The following CBLB variants were observed in gnomAD, a reference collection of about 807,000 sequenced individuals.
CBLB encodes the protein E3 ubiquitin-protein ligase CBL-B.
In CBLB, 31 loss-of-function variants were observed where a neutral mutation model predicts 104.9. The ratio of observed to expected loss-of-function variants is 0.30; its 90% CI spans 0.22 to 0.40. CBLB has a LOEUF of 0.40. Among genes scored for constraint, CBLB ranks in the 10% least tolerant of loss-of-function variants. The pLI, the probability that CBLB is intolerant of heterozygous loss-of-function variation, is 1.00. For synonymous variants in CBLB, 440 were observed against 422.6 expected (o/e 1.04, Z -0.51); for missense variants, 1,062 against 1,214.6 (o/e 0.87, Z 1.87).
At chr3:105,850,331 C>T (rs771666608) in intron 3 of CBLB, among the ~76,000 whole-genome samples, 13 of 152,112 alleles carry the variant, frequency 8.5e-5, no homozygotes, top group Non-Finnish European at 1.8e-4. Context: ...AGTTCACATA[C>T]CTCCATAACT....
chr3:105,834,862 T>A (rs2153084591), intron 3 of CBLB, among the ~76,000 whole-genome samples: 1 of 152,292 alleles, frequency 6.6e-6, no homozygotes, highest in Middle Eastern at 3.4e-3. Flanking sequence ...TACCCTATAT[T>A]CTTCAGAAAT....
chr3:105,728,267 T>C (rs2073918850), intron 9 of CBLB, among the ~76,000 whole-genome samples: 1 of 152,152 alleles, frequency 6.6e-6, no homozygotes. Flanking sequence ...CAGCAAAGTC[T>C]CAGGATATAA....
chr3:105,668,584 T>C (rs2064729488), intron 18 of CBLB, among the ~76,000 whole-genome samples: 1 of 152,218 alleles, frequency 6.6e-6, no homozygotes, highest in African/African-American at 2.4e-5. Flanking sequence ...TTCTTGACTT[T>C]CATGTTTTGT....
Position 105,824,979 on chromosome 3 carries a change from C to T in CBLB, c.419+28435G>A, listed in dbSNP as rs114739631. Among the ~76,000 whole-genome samples, 1,209 of 152,254 alleles carry T rather than the reference C, an allele frequency of 7.9e-3. 19 individuals carry two copies. The highest frequency in any genetic ancestry group is 0.027 in the African/African-American group (1,131 of 41,540). On this transcript the variant is annotated intron_variant, in intron 3 of 18. Transcript: ENST00000394030. Reference sequence around the variant, plus strand: ...AGTACCTAGAGCGTTACTATAAAGGCATCTCTCCTTTTCTCTCCTCCTATC... The same window carrying T: ...AGTACCTAGAGCGTTACTATAAAGGTATCTCTCCTTTTCTCTCCTCCTATC...
intron 3 of CBLB, among the ~76,000 whole-genome samples, chr3:105,834,587 C>T (rs2088137749): frequency 2.6e-5 from 4 of 152,050 alleles, no homozygotes; most frequent in Admixed American, 2.0e-4. Context: ...ACCAGGGAGG[C>T]GGAGCTTGCA....
In CBLB at chr3:105,657,194, G is replaced by A. The variant is rs1485449884; in HGVS notation, c.*1776C>T. On this transcript the variant is annotated 3_prime_UTR_variant, in exon 19 of 19. Coordinates refer to ENST00000394030, the MANE Select transcript of CBLB (RefSeq NM_170662.5). ...AGGAATGTATTAACTCCTCTCCCAG[G>A]GTCAACTTAGTCTACGTGTCTTTTG... 1 of 222,586 alleles carries A rather than the reference G, an allele frequency of 4.5e-6. No homozygotes were observed. The highest frequency in any genetic ancestry group is 9.0e-6 in the Non-Finnish European group (1 of 111,424). The allele number at this position is 222,586 out of a possible 1,614,324, so 13.8% of individuals were successfully genotyped here.
At chr3:105,692,629 T>C (rs2067853527) in intron 13 of CBLB, among the ~76,000 whole-genome samples, 1 of 152,024 alleles carries the variant, frequency 6.6e-6, no homozygotes, top group Admixed American at 6.6e-5. Context: ...TTGGGTAAAA[T>C]TCTGTAGGAT....
chr3:105,851,438 A>G (rs544151292), intron 3 of CBLB, among the ~76,000 whole-genome samples: 32 of 152,336 alleles, frequency 2.1e-4, no homozygotes, highest in South Asian at 2.1e-4. Flanking sequence ...ACAATTCTAT[A>G]TAACACTGTA....
At chr3:105,867,939 A>G (rs2092527604) in intron 1 of CBLB, among the ~76,000 whole-genome samples, 1 of 152,132 alleles carries the variant, frequency 6.6e-6, no homozygotes, top group East Asian at 1.9e-4. Context: ...ATAAAAACAG[A>G]ATGTTCTTCC....
rs140766121 is a variant in CBLB at position 105,817,555 on chromosome 3, T to G, written c.419+35859A>C. On this transcript the variant is annotated intron_variant, in intron 3 of 18. Transcript: ENST00000394030. ...CAAGACAGACGATGTCACTGAAAAC[T>G]AGAGTAGTGAATATTCTAAAAAACT... Among the ~76,000 whole-genome samples, 337 of 152,234 alleles carry G rather than the reference T, an allele frequency of 2.2e-3. 2 individuals carry two copies. The highest frequency in any genetic ancestry group is 7.9e-3 in the African/African-American group (330 of 41,566).
In CBLB at chr3:105,658,885, C is replaced by T. The variant is rs1484776678; in HGVS notation, c.*85G>A. 8 of 1,470,902 alleles carry T rather than the reference C, an allele frequency of 5.4e-6. No homozygotes were observed. The African/African-American group carries it at 9.8e-5, about 18-fold the overall frequency. The allele number at this position is 1,470,902 out of a possible 1,614,324, so 91.1% of individuals were successfully genotyped here. A position where few individuals can be genotyped will look rare whatever the true frequency, so the allele number is the denominator to read the frequency against. ...CTACACGAGGAGGAGACACTTCTCT[C>T]TTGAATTCCATCTCAGTTCTCTTTA... On this transcript the variant is annotated 3_prime_UTR_variant, in exon 19 of 19. Coordinates refer to ENST00000394030, the MANE Select transcript of CBLB (RefSeq NM_170662.5).
chr3:105,867,244 G>A (rs2092476475), intron 2 of CBLB, among the ~76,000 whole-genome samples, 166 bp downstream of exon 2: 1 of 152,176 alleles, frequency 6.6e-6, no homozygotes, highest in Non-Finnish European at 1.5e-5. Context: ...AAAAGTCTTT[G>A]AATCCAACTT....
chr3:105,660,585 G>A (rs1392189374), intron 18 of CBLB, among the ~76,000 whole-genome samples: 1 of 152,060 alleles, frequency 6.6e-6, no homozygotes, highest in Admixed American at 6.6e-5. Flanking sequence ...CTTTCTCTCA[G>A]ACCACTGACA....
intron 3 of CBLB, among the ~76,000 whole-genome samples, chr3:105,785,536 T>C (rs772769909): frequency 6.6e-6 from 1 of 152,226 alleles, no homozygotes; most frequent in Non-Finnish European, 1.5e-5. Context: ...ATATTTGTCA[T>C]ACTTTCTGAG....
At chr3:105,857,872 T>C (rs2091763383) in intron 2 of CBLB, among the ~76,000 whole-genome samples, 1 of 152,152 alleles carries the variant, frequency 6.6e-6, no homozygotes. Context: ...AGTGCTATGA[T>C]GGAGGCAAGT....
intron 3 of CBLB, among the ~76,000 whole-genome samples, chr3:105,803,674 G>A (rs1419262783): frequency 3.9e-5 from 6 of 152,144 alleles, no homozygotes; most frequent in Non-Finnish European, 8.8e-5. Flanking sequence ...TAAGGAGACA[G>A]TCCATTCTTA....
intron 4 of CBLB, among the ~76,000 whole-genome samples, chr3:105,754,527 G>GAGAGAGAGAGAGAGAC (rs2076890736): frequency 7.3e-4 from 17 of 23,420 alleles, no homozygotes; most frequent in Admixed American, 2.0e-3. Context: ...GAGAGACAGA[G>GAGAGAGAGAGAGAGAC]AGAGAGAGAG....
Position 105,655,984 on chromosome 3 carries a change from T to C in CBLB, c.*2986A>G, listed in dbSNP as rs898065959. 2 of 228,354 alleles carry C rather than the reference T, an allele frequency of 8.8e-6. No individual in the cohort carries two copies. 14.1% of individuals were successfully genotyped at this position (228,354 alleles called of 1,614,324 possible). On this transcript the variant is annotated 3_prime_UTR_variant, in exon 19 of 19. Coordinates refer to ENST00000394030, the MANE Select transcript of CBLB (RefSeq NM_170662.5). ...TTTTAAGTTGCAGTGAGGGTTCTATTATGAAGACTATTTGCAATGTGGGCA... is the reference window on the plus strand; with the variant it reads ...TTTTAAGTTGCAGTGAGGGTTCTATCATGAAGACTATTTGCAATGTGGGCA...
chr3:105,737,293 T>A, intron 7 of CBLB, 35 bp from the exon 8 acceptor site: 4 of 1,066,850 alleles, frequency 3.7e-6, no homozygotes, highest in Non-Finnish European at 5.7e-6. Context: ...ACCTTAAATA[T>A]ACAAGTTTTA....
Sources: allele counts gnomAD v4.1 joint callset (sites outside exome capture counted in the v4.1 genomes callset), GRCh38; gene constraint gnomAD v4.1.1; transcripts MANE v1.5; gene names NCBI Gene and HGNC (gene_info 2026-07-23, HGNC 2026-07-21).